Variants in MTO1 observed in about 807,000 individuals in gnomAD.
MTO1 encodes the protein mitochondrial tRNA translation optimization 1.
In MTO1, 46 loss-of-function variants were observed where a neutral mutation model predicts 71.6. That is an observed-to-expected ratio of 0.64 (90% CI 0.51 to 0.82). MTO1 has a LOEUF of 0.82. Ranked by LOEUF, MTO1 falls within the 40% of genes least tolerant of loss-of-function variation. MTO1 has a pLI of 0.00. For missense variants in MTO1, 773 were observed against 867.5 expected, an observed-to-expected ratio of 0.89 and a Z score of 1.37; for synonymous variants, 297 against 312.1, an observed-to-expected ratio of 0.95 and a Z score of 0.51.
intron 4 of MTO1, among the ~76,000 whole-genome samples, chr6:73,477,393 C>CAAAAAA (rs34672070): frequency 4.1e-5 from 3 of 73,182 alleles, no homozygotes; most frequent in Admixed American, 1.7e-4. Flanking sequence ...GACTATGTCT[C>CAAAAAA]AAAAAAAAAA....
intron 3 of MTO1, among the ~76,000 whole-genome samples, chr6:73,472,449 A>G (rs910234375): frequency 2.0e-5 from 3 of 152,118 alleles, no homozygotes; most frequent in African/African-American, 7.2e-5. Flanking sequence ...TGCTGATATG[A>G]TTTTAGGTAC....
At chr6:73,462,737 ATAATAT>A (rs1417034639) in intron 1 of MTO1, among the ~76,000 whole-genome samples, 2 of 152,110 alleles carry the variant, frequency 1.3e-5, no homozygotes, top group Non-Finnish European at 2.9e-5. Flanking sequence ...CAAAATAATG[ATAATAT>A]TAATAAAATA....
chr6:73,489,175 C>G (rs1240682820), intron 9 of MTO1, among the ~76,000 whole-genome samples: 1 of 152,016 alleles, frequency 6.6e-6, no homozygotes, highest in East Asian at 1.9e-4. Flanking sequence ...ATCCAGCTTT[C>G]TCAACATTAT....
chr6:73,480,319 A>T (rs997481152), intron 6 of MTO1, 193 bp downstream of exon 6: 1 of 728,664 alleles, frequency 1.4e-6, no homozygotes, highest in Non-Finnish European at 2.4e-6. Context: ...GTTGCCCAGG[A>T]TGGAGTGCAA....
At chr6:73,485,589 C>G (rs139377278) in intron 9 of MTO1, among the ~76,000 whole-genome samples, 1,605 of 152,256 alleles carry the variant, frequency 0.011, 25 homozygotes, top group African/African-American at 0.036. Context: ...CAGGCGCTTG[C>G]CACCATGCCT....
Position 73,466,331 on chromosome 6 carries a change from T to C in MTO1, c.340T>C (p.Leu114=). ...CCAGTCTGGTGTACATTATAAAGTATTAAACCGGCGTAAGGGACCAGCTGT... is the reference window on the plus strand; with the variant it reads ...CCAGTCTGGTGTACATTATAAAGTACTAAACCGGCGTAAGGGACCAGCTGT... ...CDQSGVHYKV[L]NRRKGPAVWG... The change falls in exon 2 of 12, where the codon TTA becomes CTA. Residue 114 remains leucine, a synonymous_variant. Transcript: ENST00000498286. 1 of 1,614,158 alleles carries C rather than the reference T, an allele frequency of 6.2e-7. No homozygotes were observed. Among genetic ancestry groups the C allele is most frequent in the Non-Finnish European group, 8.5e-7 (1 of 1,180,036 alleles).
In MTO1 at chr6:73,506,297, CT is replaced by C. The variant is rs1772285356; in HGVS notation, c.*5565del. The C allele has an allele frequency of 6.6e-6, 1 of 152,086 alleles. No homozygotes were observed. The highest frequency in any genetic ancestry group is 2.1e-4 in the South Asian group (1 of 4,822). The allele number at this position is 152,086 out of a possible 1,614,324, so 9.4% of individuals were successfully genotyped here. ...CAGCCAAGATGGAAATTTTTATGTT[CT>C]TTGTTTGATATGGTTTGGCTGTGTC... On this transcript the variant is annotated 3_prime_UTR_variant, in exon 12 of 12. Transcript: ENST00000498286.
At chr6:73,487,285 T>C (rs1771680486) in intron 9 of MTO1, among the ~76,000 whole-genome samples, 2 of 149,848 alleles carry the variant, frequency 1.3e-5, no homozygotes, top group African/African-American at 4.9e-5. Flanking sequence ...CTTCGCCCCC[T>C]GGTTCCAGCT....
At chr6:73,468,640 C>G (rs1400967447) in intron 3 of MTO1, among the ~76,000 whole-genome samples, 1 of 151,934 alleles carries the variant, frequency 6.6e-6, no homozygotes, top group Non-Finnish European at 1.5e-5. Context: ...CAGAGTCTCA[C>G]TCTGTCACCC....
At chr6:73,479,144 C>T (rs1322640284) in intron 4 of MTO1, among the ~76,000 whole-genome samples, 23 of 151,506 alleles carry the variant, frequency 1.5e-4, no homozygotes, top group Non-Finnish European at 4.4e-5. Context: ...GCCTTGGCCT[C>T]CCAAAGTGTT....
At chr6:73,472,252 T>A (rs1474143369) in intron 3 of MTO1, among the ~76,000 whole-genome samples, 1 of 152,204 alleles carries the variant, frequency 6.6e-6, no homozygotes, top group Non-Finnish European at 1.5e-5. Context: ...CAAAAATACA[T>A]TGAAATTTCT....
chr6:73,485,301 A>AT lies in MTO1; in HGVS notation c.1637+2689dup, dbSNP rs552561337. Reference sequence around the variant, plus strand: ...AGGAGTAGCCATTTTGTTTAGATGGATTTTTTTTAAAAAGGTCAGTTTAAA... The same window carrying AT: ...AGGAGTAGCCATTTTGTTTAGATGGATTTTTTTTTAAAAAGGTCAGTTTAAA... On this transcript the variant is annotated intron_variant, in intron 9 of 11. Transcript: ENST00000498286. 3.9e-3 allele frequency among the ~76,000 whole-genome samples: 599 copies of AT among 152,096 alleles called. 4 individuals carry two copies. Among genetic ancestry groups the AT allele is most frequent in the African/African-American group, 0.014 (562 of 41,520 alleles).
rs576561698 is a variant in MTO1 at position 73,502,956 on chromosome 6, T to G, written c.*2221T>G. On this transcript the variant is annotated 3_prime_UTR_variant, in exon 12 of 12. Coordinates refer to ENST00000498286, the MANE Select transcript of MTO1 (RefSeq NM_012123.4). ...TGGGAGGTTCTTGACAGCTACAATT[T>G]GGGGCTAGTGACACTATACACATAT... The G allele has an allele frequency of 6.6e-6, 1 of 152,102 alleles. No homozygotes were observed. Among genetic ancestry groups the G allele is most frequent in the Admixed American group, 6.6e-5 (1 of 15,246 alleles). 9.4% of individuals were successfully genotyped at this position (152,102 alleles called of 1,614,324 possible).
Position 73,479,834 on chromosome 6 carries a change from A to C in MTO1, c.928A>C (p.Arg310=), listed in dbSNP as rs1452905011. 2 of 1,612,452 alleles carry C rather than the reference A, an allele frequency of 1.2e-6. No individual in the cohort carries two copies. Among genetic ancestry groups the C allele is most frequent in the Non-Finnish European group, 1.7e-6 (2 of 1,178,670 alleles). The stretch of plus-strand genomic sequence containing the variant: ...TAATAGTCATGTTAAAGAAACGACA[A>C]GAGGACCTCGGTAAGGACAAAATGT... The part of the protein sequence containing the change: ...HLNSHVKETT[R]GPRYCPSIES... Residue 310 remains arginine (R), a synonymous_variant, in exon 5 of 12, where the codon AGA becomes CGA. Transcript: ENST00000498286.
Position 73,504,015 on chromosome 6 carries a change from G to C in MTO1, c.*3280G>C, listed in dbSNP as rs1278766283. The stretch of plus-strand genomic sequence containing the variant: ...TCAGGAAAGCCACCAGCAGAGACTA[G>C]GGGTTTATTCTGATCTGGAAGAGCC... On this transcript the variant is annotated 3_prime_UTR_variant, in exon 12 of 12. Transcript: ENST00000498286. 6.6e-6 allele frequency: 1 copy of C among 152,184 alleles called. No individual in the cohort carries two copies. Among genetic ancestry groups the C allele is most frequent in the Non-Finnish European group, 1.5e-5 (1 of 68,042 alleles). 9.4% of individuals were successfully genotyped at this position (152,184 alleles called of 1,614,324 possible).
chr6:73,480,075 A>G lies in MTO1; in HGVS notation c.1078A>G (p.Lys360Glu). 6.2e-7 allele frequency: 1 copy of G among 1,614,102 alleles called. No homozygotes were observed. Among genetic ancestry groups the G allele is most frequent in the South Asian group, 1.1e-5 (1 of 91,076 alleles). Residue 360 changes from lysine (K) to glutamate (E), a missense_variant, in exon 6 of 12, where the codon AAA (lysine) becomes GAA (glutamate). Lys to Glu is a moderately conservative substitution (Grantham distance 56). Transcript: ENST00000498286. The part of the protein sequence containing the change: ...SMTLPAELQE[K>E]MITCIRGLEK... Reference sequence around the variant, plus strand: ...GACGCTACCAGCTGAGTTACAAGAGAAAATGATCACATGCATCAGAGGCTT... The same window carrying G: ...GACGCTACCAGCTGAGTTACAAGAGGAAATGATCACATGCATCAGAGGCTT...
intron 3 of MTO1, among the ~76,000 whole-genome samples, chr6:73,470,263 A>G (rs1000480966): frequency 6.6e-6 from 1 of 151,594 alleles, no homozygotes; most frequent in African/African-American, 2.4e-5. Context: ...CTGGAGTGCA[A>G]TGGCGTGATC....
intron 4 of MTO1, among the ~76,000 whole-genome samples, chr6:73,478,176 G>T (rs767430207): frequency 2.6e-5 from 4 of 151,824 alleles, no homozygotes; most frequent in African/African-American, 4.8e-5. Context: ...AACCCGGGAG[G>T]CAGAGGTTGC....
Position 73,461,925 on chromosome 6 carries a change from G to T in MTO1, c.71G>T (p.Arg24Leu), listed in dbSNP as rs200417760. The T allele has an allele frequency of 1.2e-6, 2 of 1,614,270 alleles. No homozygotes were observed. Among genetic ancestry groups the T allele is most frequent in the South Asian group, 1.1e-5 (1 of 91,090 alleles). ...SFTKQQFPLA[R>L]LSSDSAAPRT... Reference sequence around the variant, plus strand: ...ACCAAGCAGCAATTTCCGTTGGCACGGTTGAGCAGTGACAGCGCGGCGCCC... The same window carrying T: ...ACCAAGCAGCAATTTCCGTTGGCACTGTTGAGCAGTGACAGCGCGGCGCCC... Residue 24 changes from arginine to leucine, a missense_variant, in exon 1 of 12, where the codon CGG (arginine) becomes CTG (leucine). Coordinates refer to ENST00000498286, the MANE Select transcript of MTO1 (RefSeq NM_012123.4).
Sources: gnomAD v4.1 joint callset for allele counts (sites outside exome capture counted in the v4.1 genomes callset) on GRCh38, gnomAD v4.1.1 for gene constraint, MANE v1.5 for transcripts, NCBI Gene and HGNC (gene_info 2026-07-23, HGNC 2026-07-21) for gene names.